The following USP24 variants were observed in gnomAD, a reference collection of about 807,000 sequenced individuals.
USP24 encodes ubiquitin carboxyl-terminal hydrolase 24.
A neutral mutation model predicts 361.6 loss-of-function variants in USP24; 97 were observed. That is an observed-to-expected ratio of 0.27 (90% CI 0.23 to 0.32). The LOEUF is 0.32. Among genes scored for constraint, USP24 ranks in the 10% least tolerant of loss-of-function variants. USP24 has a pLI of 1.00. For synonymous variants in USP24, 1,098 were observed against 1,124.6 expected (o/e 0.98, Z 0.47); for missense variants, 2,353 against 3,165.6 (o/e 0.74, Z 6.16).
At chr1:55,074,803 A>T (rs982539879) in intron 63 of USP24, among the ~76,000 whole-genome samples, 1 of 152,138 alleles carries the variant, frequency 6.6e-6, no homozygotes, top group Non-Finnish European at 1.5e-5. Context: ...AGCTGAAGCT[A>T]CAAAACTTTT....
chr1:55,097,734 G>A lies in USP24; in HGVS notation c.5596-17C>T. The A allele has an allele frequency of 5.9e-6, 9 of 1,516,882 alleles. No homozygotes were observed. The highest frequency in any genetic ancestry group is 4.8e-5 in the East Asian group (2 of 41,704). The allele number at this position is 1,516,882 out of a possible 1,614,324, so 94.0% of individuals were successfully genotyped here. On this transcript the variant is annotated splice_polypyrimidine_tract_variant and intron_variant, in intron 47 of 67. Transcript: ENST00000294383. ...TGTTATTCTCTAAAGAAAAAAAAAAGGAAAAAGAGCAAATCTGAATGATCT... is the reference window on the plus strand; with the variant it reads ...TGTTATTCTCTAAAGAAAAAAAAAAAGAAAAAGAGCAAATCTGAATGATCT...
At chr1:55,130,546 T>C (rs1288813841) in intron 31 of USP24, among the ~76,000 whole-genome samples, 2 of 152,230 alleles carry the variant, frequency 1.3e-5, no homozygotes, top group African/African-American at 4.8e-5. Flanking sequence ...ATGAGTTTTA[T>C]GAGTTTAGAA....
At chr1:55,079,793 T>TGAGAACTCTCACAGAGTACTCACACA in intron 59 of USP24, 134 bp from the exon 60 acceptor site, 2 of 1,051,220 alleles carry the variant, frequency 1.9e-6, no homozygotes, top group Non-Finnish European at 2.6e-6. Context: ...ACTCACACAC[T>TGAGAACTCTCACAGAGTACTCACACA]GAGTACTCAC....
intron 1 of USP24, among the ~76,000 whole-genome samples, chr1:55,180,844 T>C (rs1203936846): frequency 1.3e-5 from 2 of 152,192 alleles, no homozygotes; most frequent in Admixed American, 1.3e-4. Flanking sequence ...GCATGGACCT[T>C]ATCTATTTTT....
intron 55 of USP24, among the ~76,000 whole-genome samples, chr1:55,088,027 G>A (rs1398787709): frequency 6.6e-6 from 1 of 152,180 alleles, no homozygotes; most frequent in African/African-American, 2.4e-5. Flanking sequence ...AAGCCTGGAA[G>A]GACAAAAACC....
chr1:55,071,706 TCA>T (rs1491294919), intron 67 of USP24, 106 bp downstream of exon 67: 2 of 1,217,614 alleles, frequency 1.6e-6, no homozygotes, highest in African/African-American at 3.0e-5. Context: ...CTCTTTGGAC[TCA>T]CATTCCAGAG....
chr1:55,086,237 A>G, intron 55 of USP24, 199 bp from the exon 56 acceptor site: 1 of 595,170 alleles, frequency 1.7e-6, no homozygotes, highest in Non-Finnish European at 3.0e-6. Flanking sequence ...CATACCAGCC[A>G]AGGCTCTGTT....
chr1:55,096,008 T>C (rs532567589), intron 50 of USP24, among the ~76,000 whole-genome samples: 2 of 152,320 alleles, frequency 1.3e-5, no homozygotes, highest in South Asian at 4.1e-4. Flanking sequence ...TGGGCTGTAC[T>C]TCTCCTCATA....
In USP24 at chr1:55,159,804, A is replaced by G. The variant is rs189496659; in HGVS notation, c.994-119T>C. ...GTGCAATGAAAAGATAAAAATTTTCATATCAGAGCAGCTACTAACTAGCTA... is the reference window on the plus strand; with the variant it reads ...GTGCAATGAAAAGATAAAAATTTTCGTATCAGAGCAGCTACTAACTAGCTA... On this transcript the variant is annotated intron_variant, in intron 8 of 67. Transcript: ENST00000294383. 224 of 887,980 alleles carry G rather than the reference A, an allele frequency of 2.5e-4. 1 individual carries two copies. The East Asian group carries it at 5.6e-3, about 22-fold the overall frequency. The allele number at this position is 887,980 out of a possible 1,614,324, so 55.0% of individuals were successfully genotyped here. A position where few individuals can be genotyped will look rare whatever the true frequency, so the allele number is the denominator to read the frequency against.
At chr1:55,071,112 A>C in intron 67 of USP24, 1 of 982,896 alleles carries the variant, frequency 1.0e-6, no homozygotes, top group Non-Finnish European at 1.2e-6. Context: ...AGGATCCGAA[A>C]GATAACACTT....
intron 1 of USP24, among the ~76,000 whole-genome samples, chr1:55,201,411 G>C (rs983630583): frequency 6.6e-6 from 1 of 151,664 alleles, no homozygotes; most frequent in African/African-American, 2.4e-5. Flanking sequence ...GACCAGCCTG[G>C]CCAAGATGGT....
At chr1:55,097,864 T>C in intron 47 of USP24, 79 bp downstream of exon 47, 1 of 1,530,824 alleles carries the variant, frequency 6.5e-7, no homozygotes, top group South Asian at 1.3e-5. Context: ...AGGAGCTTAA[T>C]ACTGATTTTA....
At chr1:55,080,957 C>T (rs1020212579) in intron 59 of USP24, among the ~76,000 whole-genome samples, 1 of 152,140 alleles carries the variant, frequency 6.6e-6, no homozygotes. Context: ...CACTGAAGAT[C>T]AGAACGGTCA....
chr1:55,214,518 G>T (rs72662516), intron 1 of USP24, among the ~76,000 whole-genome samples: 16,382 of 151,716 alleles, frequency 0.11, 1,069 homozygotes, highest in Non-Finnish European at 0.15. Flanking sequence ...AAGCCTAAGG[G>T]ACCCCTCCTC....
intron 8 of USP24, among the ~76,000 whole-genome samples, chr1:55,160,578 G>A (rs546786355): frequency 3.5e-4 from 53 of 152,290 alleles, no homozygotes; most frequent in Admixed American, 9.2e-4. Context: ...TAAGTAACAT[G>A]TATTATATGA....
At position 55,213,907 on chromosome 1, in the gene USP24, C is replaced by T. The variant is rs564460222; in HGVS notation, c.324+883G>A. Reference sequence around the variant, plus strand: ...CCCACTGCGCTCCCACCCTGTTCCGCGCCCCTCTGCATAGCACCCTCAGTA... The same window carrying T: ...CCCACTGCGCTCCCACCCTGTTCCGTGCCCCTCTGCATAGCACCCTCAGTA... On this transcript the variant is annotated intron_variant, in intron 1 of 67. Transcript: ENST00000294383. 3.9e-4 allele frequency among the ~76,000 whole-genome samples: 60 copies of T among 152,170 alleles called. 1 individual carries two copies. The highest frequency in any genetic ancestry group is 3.5e-4 in the Non-Finnish European group (24 of 67,992).
At chr1:55,095,784 C>T (rs1645483790) in intron 50 of USP24, among the ~76,000 whole-genome samples, 1 of 152,172 alleles carries the variant, frequency 6.6e-6, no homozygotes, top group African/African-American at 2.4e-5. Context: ...CTGCCAAGAT[C>T]GGCCAAATCC....
At chr1:55,180,804 T>C (rs1470404118) in intron 1 of USP24, among the ~76,000 whole-genome samples, 1 of 152,226 alleles carries the variant, frequency 6.6e-6, no homozygotes, top group Non-Finnish European at 1.5e-5. Flanking sequence ...TGTGATTTGT[T>C]TGCCCCTCAC....
chr1:55,095,321 T>C lies in USP24; in HGVS notation c.6137A>G (p.Asn2046Ser). The C allele has an allele frequency of 6.2e-7, 1 of 1,613,610 alleles. No homozygotes were observed. The highest frequency in any genetic ancestry group is 8.5e-7 in the Non-Finnish European group (1 of 1,179,794). ...ACTTTTCTTTGGTAATACTGGGGAGTTCTGATCAGACACCCTTTGGTAGAA... is the reference window on the plus strand; with the variant it reads ...ACTTTTCTTTGGTAATACTGGGGAGCTCTGATCAGACACCCTTTGGTAGAA... The part of the protein sequence containing the change: ...MLFYQRVSDQ[N>S]SPVLPKKSRV... Residue 2046 changes from asparagine (N) to serine (S), a missense_variant, in exon 51 of 68, where the codon AAC becomes AGC. Asn to Ser is a conservative substitution (Grantham distance 46). Around this residue, in one of 8 missense-constraint regions of USP24, gnomAD observed 598 missense variants for 761.9 expected, o/e 0.78. Coordinates refer to ENST00000294383, the MANE Select transcript of USP24 (RefSeq NM_015306.3).
Sources: allele counts gnomAD v4.1 joint callset (sites outside exome capture counted in the v4.1 genomes callset), GRCh38; gene constraint gnomAD v4.1.1; regional missense constraint gnomAD v4.1.1; transcripts MANE v1.5; gene names NCBI Gene and HGNC (gene_info 2026-07-23, HGNC 2026-07-21).